TMEM108: variants seen among roughly 807,000 people sequenced by gnomAD.
The protein encoded by TMEM108 is cancer/testis antigen 124.
Under a neutral mutation model 35.1 loss-of-function variants are expected in TMEM108, and 12 were observed. The ratio of observed to expected loss-of-function variants is 0.34; its 90% CI spans 0.22 to 0.55. TMEM108 has a LOEUF of 0.55. Ranked by LOEUF, TMEM108 falls within the 20% of genes least tolerant of loss-of-function variation. The pLI is 0.89. For synonymous variants in TMEM108, 287 were observed against 308.6 expected, an observed-to-expected ratio of 0.93 and a Z score of 0.73; for missense variants, 680 against 753.3, an observed-to-expected ratio of 0.90 and a Z score of 1.14.
intron 2 of TMEM108, among the ~76,000 whole-genome samples, chr3:133,076,791 C>T (rs979029384): frequency 6.6e-6 from 1 of 152,236 alleles, no homozygotes; most frequent in Non-Finnish European, 1.5e-5. Flanking sequence ...CTTTCTTAGC[C>T]CGTCTTTGCC....
intron 2 of TMEM108, among the ~76,000 whole-genome samples, chr3:133,134,208 A>G (rs2107747956): frequency 6.6e-6 from 1 of 152,206 alleles, no homozygotes; most frequent in East Asian, 1.9e-4. Flanking sequence ...GAATGTTGGT[A>G]TATCAGTCCT....
At chr3:133,106,708 T>C (rs546146604) in intron 2 of TMEM108, among the ~76,000 whole-genome samples, 31 of 152,364 alleles carry the variant, frequency 2.0e-4, no homozygotes, top group African/African-American at 7.0e-4. Flanking sequence ...TGTGAGGACA[T>C]TTAAGCATCT....
intron 3 of TMEM108, among the ~76,000 whole-genome samples, chr3:133,324,797 A>G (rs58123591): frequency 0.013 from 1,916 of 152,222 alleles, 42 homozygotes; most frequent in African/African-American, 0.042. Flanking sequence ...CCAAAATGGT[A>G]AAACCCTGTG....
intron 3 of TMEM108, among the ~76,000 whole-genome samples, chr3:133,339,510 C>T (rs975088931): frequency 1.3e-5 from 2 of 151,920 alleles, no homozygotes; most frequent in Admixed American, 1.3e-4. Context: ...TAGCTGGGAA[C>T]TTCAACACTC....
At chr3:133,049,698 T>C (rs1435334052) in intron 2 of TMEM108, among the ~76,000 whole-genome samples, 2 of 152,160 alleles carry the variant, frequency 1.3e-5, no homozygotes, top group Non-Finnish European at 2.9e-5. Context: ...AATCCAAGGC[T>C]GCTGAGCTGT....
intron 2 of TMEM108, among the ~76,000 whole-genome samples, chr3:133,087,250 G>A (rs576391415): frequency 6.6e-6 from 1 of 152,244 alleles, no homozygotes; most frequent in South Asian, 2.1e-4. Flanking sequence ...GAAAGCCTTG[G>A]TGAGTTCTAA....
chr3:133,169,296 A>G (rs1215380499), intron 2 of TMEM108, among the ~76,000 whole-genome samples: 1 of 152,134 alleles, frequency 6.6e-6, no homozygotes. Flanking sequence ...TCACTTGATG[A>G]TATAGTTGTG....
chr3:133,352,923 G>A (rs1050793164), intron 3 of TMEM108, among the ~76,000 whole-genome samples: 2 of 152,088 alleles, frequency 1.3e-5, no homozygotes, highest in African/African-American at 4.8e-5. Flanking sequence ...AGGGGTTCCG[G>A]CTGAAAGTTC....
intron 3 of TMEM108, among the ~76,000 whole-genome samples, chr3:133,367,277 G>A (rs1218260332): frequency 6.6e-6 from 1 of 152,168 alleles, no homozygotes; most frequent in Non-Finnish European, 1.5e-5. Flanking sequence ...CCATACAAGT[G>A]CCTAGCACAT....
intron 2 of TMEM108, among the ~76,000 whole-genome samples, chr3:133,067,885 G>T (rs13096747): frequency 0.12 from 18,794 of 151,822 alleles, 1,338 homozygotes; most frequent in African/African-American, 0.19. Context: ...AAACTAGAAG[G>T]TTAATTTGTA....
At chr3:133,342,784 G>A (rs2071704760) in intron 3 of TMEM108, among the ~76,000 whole-genome samples, 1 of 150,472 alleles carries the variant, frequency 6.6e-6, no homozygotes, top group Non-Finnish European at 1.5e-5. Context: ...AAGAGAATAG[G>A]GAGAGGTTGG....
chr3:133,346,803 T>C lies in TMEM108; in HGVS notation c.41-32949T>C, dbSNP rs553068451. Among the ~76,000 whole-genome samples the C allele has an allele frequency of 6.6e-6, 1 of 152,210 alleles. No individual in the cohort carries two copies. Among genetic ancestry groups the C allele is most frequent in the Admixed American group, 6.5e-5 (1 of 15,270 alleles). Reference sequence around the variant, plus strand: ...TTACATTTAGGTCTATGACCCATGTTGAGTTAATTTTTGTGAAAGATGTTA... The same window carrying C: ...TTACATTTAGGTCTATGACCCATGTCGAGTTAATTTTTGTGAAAGATGTTA... On this transcript the variant is annotated intron_variant, in intron 3 of 5. Transcript: ENST00000321871. This position sits in a 1 kb window ranked among gnomAD's most constrained non-coding sequence, Gnocchi z 4.0.
rs150017658 is a variant in TMEM108 at position 133,181,649 on chromosome 3, T to A, written c.-46-47617T>A. ...TTTAAATGGAACATATGGGGGGTTG[T>A]CAAGGAATGAGAAAAAGTAATTATG... On this transcript the variant is annotated intron_variant, in intron 2 of 5. Coordinates refer to ENST00000321871, the MANE Select transcript of TMEM108 (RefSeq NM_023943.4). Among the ~76,000 whole-genome samples the A allele has an allele frequency of 6.5e-3, 997 of 152,226 alleles. 14 individuals are homozygous for A. The highest frequency in any genetic ancestry group is 0.023 in the African/African-American group (969 of 41,530).
intron 3 of TMEM108, among the ~76,000 whole-genome samples, chr3:133,295,986 G>A (rs1351671292): frequency 6.6e-6 from 1 of 152,096 alleles, no homozygotes; most frequent in South Asian, 2.1e-4. Context: ...AGAGCTGGAC[G>A]GATAACTTTA....
intron 5 of TMEM108, among the ~76,000 whole-genome samples, chr3:133,393,206 C>G (rs779681855): frequency 6.6e-6 from 1 of 152,238 alleles, no homozygotes. Flanking sequence ...CTTCAGGTCT[C>G]TGTTCAAATG....
chr3:133,137,176 C>G (rs1481657261), intron 2 of TMEM108, among the ~76,000 whole-genome samples: 1 of 152,102 alleles, frequency 6.6e-6, no homozygotes, highest in African/African-American at 2.4e-5. Flanking sequence ...ATGAACAATG[C>G]TAGGCATTGT....
intron 3 of TMEM108, among the ~76,000 whole-genome samples, chr3:133,321,873 G>T (rs188174667): frequency 1.3e-5 from 2 of 152,186 alleles, no homozygotes; most frequent in African/African-American, 4.8e-5. Flanking sequence ...AATTCCAAAT[G>T]GAACCCTCAA....
intron 2 of TMEM108, among the ~76,000 whole-genome samples, chr3:133,103,705 C>T (rs945685272): frequency 6.6e-6 from 1 of 152,210 alleles, no homozygotes; most frequent in Non-Finnish European, 1.5e-5. Flanking sequence ...TCTGGGCCTT[C>T]AGTAACCAGT....
At chr3:133,250,917 C>T (rs767744951) in intron 3 of TMEM108, among the ~76,000 whole-genome samples, 16 of 152,182 alleles carry the variant, frequency 1.1e-4, no homozygotes, top group Non-Finnish European at 2.2e-4. Flanking sequence ...TCTCTTAAAG[C>T]AGAATTCTTT....
Sources: allele counts gnomAD v4.1 joint callset (sites outside exome capture counted in the v4.1 genomes callset), GRCh38; gene constraint gnomAD v4.1.1; non-coding constraint Gnocchi (gnomAD v3.1); transcripts MANE v1.5; gene names NCBI Gene and HGNC (gene_info 2026-07-23, HGNC 2026-07-21).